Variants in PRKAR1B observed in about 807,000 individuals in gnomAD.
PRKAR1B encodes the protein cAMP-dependent protein kinase type I-beta regulatory subunit.
Under a neutral mutation model 46.5 loss-of-function variants are expected in PRKAR1B, and 22 were observed. The observed-to-expected ratio is 0.47, with a 90% CI of 0.34 to 0.68. The LOEUF is 0.68. PRKAR1B is among the 30% of genes least tolerant of loss of function. The pLI, the probability that PRKAR1B is intolerant of heterozygous loss-of-function variation, is 0.01. For synonymous variants in PRKAR1B, 259 were observed against 217.7 expected, an observed-to-expected ratio of 1.19 and a Z score of -1.67; for missense variants, 445 against 535.6, an observed-to-expected ratio of 0.83 and a Z score of 1.67.
At chr7:633,934 C>G (rs570610262) in intron 4 of PRKAR1B, among the ~76,000 whole-genome samples, 3 of 152,160 alleles carry the variant, frequency 2.0e-5, no homozygotes, top group Non-Finnish European at 4.4e-5. Flanking sequence ...CACCTGTAAT[C>G]GCAGCACTTT....
chr7:606,189 T>C lies in PRKAR1B; in HGVS notation c.549+4A>G, dbSNP rs759661778. On this transcript the variant is annotated splice_donor_region_variant and intron_variant, in intron 6 of 10. Transcript: ENST00000537384. ...TTTTCCAAAGACAAGTTAGCGACAC[T>C]CACATCCACTTCCCCTTGATCAACG... 3 of 1,613,810 alleles carry C rather than the reference T, an allele frequency of 1.9e-6. No individual in the cohort carries two copies. Among genetic ancestry groups the C allele is most frequent in the Non-Finnish European group, 2.5e-6 (3 of 1,179,868 alleles).
chr7:615,764 C>A (rs1222256397), intron 4 of PRKAR1B, among the ~76,000 whole-genome samples: 1 of 137,746 alleles, frequency 7.3e-6, no homozygotes, highest in African/African-American at 2.7e-5. Context: ...GGAGGCAGAG[C>A]TTGCAGTGAG....
chr7:661,406 C>G (rs1487497740), intron 4 of PRKAR1B, among the ~76,000 whole-genome samples: 2 of 85,476 alleles, frequency 2.3e-5, no homozygotes, highest in Non-Finnish European at 2.4e-5. Context: ...ACTCTCCCCC[C>G]ACCATGGCAC....
At chr7:728,589 A>C (rs1781447952), upstream of PRKAR1B, among the ~76,000 whole-genome samples, 1 of 152,100 alleles carries the variant, frequency 6.6e-6, no homozygotes, top group South Asian at 2.1e-4. Flanking sequence ...GGCCATTGAG[A>C]ATTCCTGGCA....
At chr7:652,098 C>T (rs113216060) in intron 4 of PRKAR1B, among the ~76,000 whole-genome samples, 3,349 of 99,006 alleles carry the variant, frequency 0.034, 108 homozygotes, top group South Asian at 0.092. Context: ...ACCCACACAG[C>T]GCTAGGAACC....
chr7:660,017 CT>C (rs1276018120), intron 4 of PRKAR1B, among the ~76,000 whole-genome samples: 1 of 152,102 alleles, frequency 6.6e-6, no homozygotes, highest in Non-Finnish European at 1.5e-5. Context: ...GCCTCTCTCC[CT>C]TTAGTGACAA....
intron 1 of PRKAR1B, chr7:716,624 T>C (rs2128532852): frequency 6.6e-6 from 1 of 152,320 alleles, no homozygotes; most frequent in Non-Finnish European, 1.5e-5. Context: ...TGGATGGTGT[T>C]TGTCTTATTC....
chr7:557,052 C>T (rs937443768), intron 9 of PRKAR1B, among the ~76,000 whole-genome samples: 3 of 152,224 alleles, frequency 2.0e-5, no homozygotes, highest in Admixed American at 2.0e-4. Flanking sequence ...CTCCCACCCC[C>T]GGCCTGGGCC....
chr7:716,259 T>A (rs1780881547), intron 1 of PRKAR1B, among the ~76,000 whole-genome samples: 1 of 149,676 alleles, frequency 6.7e-6, no homozygotes, highest in African/African-American at 2.5e-5. Flanking sequence ...AATCTCACTA[T>A]GTTGCCTAGG....
rs77830965 is a variant in PRKAR1B at position 641,715 on chromosome 7, C to T, written c.441-34263G>A. 1.9e-3 allele frequency among the ~76,000 whole-genome samples: 285 copies of T among 152,178 alleles called. 6 individuals carry two copies. The East Asian group carries it at 0.052, about 28-fold the overall frequency. ...CAAAAAACACCCTGAGTGAAAGAAG[C>T]CAGACACAAAAGACCACGTATTGAA... On this transcript the variant is annotated intron_variant, in intron 4 of 10. Transcript: ENST00000537384.
At chr7:720,835 T>C (rs773957049) in intron 1 of PRKAR1B, among the ~76,000 whole-genome samples, 2 of 152,240 alleles carry the variant, frequency 1.3e-5, no homozygotes, top group Non-Finnish European at 2.9e-5. Context: ...CCTATGTTAT[T>C]ATGTTTGAAG....
In PRKAR1B at chr7:549,428, C is replaced by G. The variant is rs889170646; in HGVS notation, c.*1002G>C. 8 of 152,338 alleles carry G rather than the reference C, an allele frequency of 5.3e-5. No individual in the cohort carries two copies. Among genetic ancestry groups the G allele is most frequent in the East Asian group, 3.9e-4 (2 of 5,172 alleles). 9.4% of individuals were successfully genotyped at this position (152,338 alleles called of 1,614,324 possible). A position where few individuals can be genotyped will look rare whatever the true frequency, so the allele number is the denominator to read the frequency against. Reference sequence around the variant, plus strand: ...GGGACGCACGGGACAGGAGCAACATCAGGTGAACTGCAATGACCTCGCTTG... The same window carrying G: ...GGGACGCACGGGACAGGAGCAACATGAGGTGAACTGCAATGACCTCGCTTG... On this transcript the variant is annotated 3_prime_UTR_variant, in exon 11 of 11. Coordinates refer to ENST00000537384, the MANE Select transcript of PRKAR1B (RefSeq NM_001164760.2).
intron 2 of PRKAR1B, among the ~76,000 whole-genome samples, chr7:683,928 T>C (rs771114576): frequency 2.6e-5 from 4 of 152,032 alleles, no homozygotes; most frequent in Non-Finnish European, 5.9e-5. Flanking sequence ...CCCACCTCCA[T>C]GTGTGCCAAT....
intron 2 of PRKAR1B, chr7:691,488 G>C: frequency 7.7e-7 from 1 of 1,304,214 alleles, no homozygotes; most frequent in Non-Finnish European, 1.0e-6. Flanking sequence ...GGGCCCCCCA[G>C]CGCACCACAG....
chr7:716,803 C>T (rs1780898986), intron 1 of PRKAR1B: 1 of 152,158 alleles, frequency 6.6e-6, no homozygotes, highest in Non-Finnish European at 1.5e-5. Context: ...TGAGCCTTCC[C>T]CAGCCAGCTG....
chr7:599,806 C>A (rs573831389), intron 6 of PRKAR1B, among the ~76,000 whole-genome samples: 1 of 135,196 alleles, frequency 7.4e-6, no homozygotes, highest in Non-Finnish European at 1.6e-5. Flanking sequence ...CACCTTCACT[C>A]GCTCACCCTC....
rs2128416144 is a variant in PRKAR1B, at chr7:550,128, G to A, written c.*302C>T. 5.1e-6 allele frequency: 2 copies of A among 395,380 alleles called. No individual in the cohort carries two copies. The highest frequency in any genetic ancestry group is 2.4e-5 in the South Asian group (1 of 41,568). 24.5% of individuals were successfully genotyped at this position (395,380 alleles called of 1,614,324 possible). ...CTCAAGCATCTCCAGGAGACTGGCA[G>A]GGGTGGGGTGGGCCCCCCAGGAGAA... On this transcript the variant is annotated 3_prime_UTR_variant, in exon 11 of 11. Coordinates refer to ENST00000537384, the MANE Select transcript of PRKAR1B (RefSeq NM_001164760.2).
At chr7:673,292 C>T (rs1786393847) in intron 4 of PRKAR1B, among the ~76,000 whole-genome samples, 1 of 152,064 alleles carries the variant, frequency 6.6e-6, no homozygotes, top group South Asian at 2.1e-4. Context: ...CGTTCAAAAA[C>T]GACATTTCAA....
chr7:673,074 A>AC (rs1786369010), intron 4 of PRKAR1B, among the ~76,000 whole-genome samples: 1 of 145,546 alleles, frequency 6.9e-6, no homozygotes, highest in African/African-American at 2.6e-5. Context: ...AAAAAAAAAA[A>AC]AAAACACACA....
Sources: gnomAD v4.1 joint callset for allele counts (sites outside exome capture counted in the v4.1 genomes callset) on GRCh38, gnomAD v4.1.1 for gene constraint, MANE v1.5 for transcripts, NCBI Gene and HGNC (gene_info 2026-07-23, HGNC 2026-07-21) for gene names.